SVOPL: variants seen among roughly 807,000 people sequenced by gnomAD.
SVOPL encodes SVOP like.
SVOPL carries 60 observed loss-of-function variants against 61.0 expected under a neutral mutation model. The observed-to-expected ratio is 0.98, with a 90% CI of 0.80 to 1.22. SVOPL has a LOEUF of 1.22. SVOPL is among the 50% of genes most tolerant of loss of function. The pLI, the probability that SVOPL is intolerant of heterozygous loss-of-function variation, is 0.00. For missense variants in SVOPL, 662 were observed against 643.9 expected (o/e 1.03, Z -0.30); for synonymous variants, 279 against 250.0 (o/e 1.12, Z -1.09).
At chr7:138,700,629 G>C (rs186633460) in intron 1 of SVOPL, among the ~76,000 whole-genome samples, 1 of 151,926 alleles carries the variant, frequency 6.6e-6, no homozygotes, top group Admixed American at 6.6e-5. Context: ...GTGAGCCACC[G>C]CACCCGGCTG....
intron 14 of SVOPL, among the ~76,000 whole-genome samples, chr7:138,610,414 T>C (rs1798948946): frequency 6.6e-6 from 1 of 151,958 alleles, no homozygotes; most frequent in Admixed American, 6.6e-5. Context: ...CACACACACA[T>C]AGAAAAATAT....
At chr7:138,625,123 A>G (rs1206766516) in intron 13 of SVOPL, 1 of 152,200 alleles carries the variant, frequency 6.6e-6, no homozygotes, top group Non-Finnish European at 1.5e-5. Flanking sequence ...GCAAAAGAGG[A>G]TTGATTTTTT....
intron 1 of SVOPL, among the ~76,000 whole-genome samples, chr7:138,679,824 C>T (rs1024972440): frequency 1.6e-4 from 25 of 152,162 alleles, no homozygotes; most frequent in Non-Finnish European, 3.1e-4. Context: ...TAATCATTAT[C>T]CTGAACACTT....
intron 12 of SVOPL, among the ~76,000 whole-genome samples, chr7:138,626,820 T>C (rs1799913077): frequency 6.7e-6 from 1 of 149,624 alleles, no homozygotes; most frequent in Non-Finnish European, 1.5e-5. Flanking sequence ...CATTCCCGCC[T>C]GGGTGACAAG....
At position 138,602,452 on chromosome 7, in the gene SVOPL, T is replaced by TAC. The variant is rs1299867036; in HGVS notation, c.1354-5923_1354-5922insGT. 3.6e-3 allele frequency among the ~76,000 whole-genome samples: 62 copies of TAC among 16,990 alleles called. 1 individual carries two copies. Among genetic ancestry groups the TAC allele is most frequent in the African/African-American group, 0.026 (59 of 2,298 alleles). The allele number at this position is 16,990 out of a possible 152,430, so 11.1% of individuals were successfully genotyped here. A position where few individuals can be genotyped will look rare whatever the true frequency, so the allele number is the denominator to read the frequency against. ...AGAAAAGGCAGTTGCTATATATATA[T>TAC]ATATATATATATATATATATATATG... is the stretch of plus-strand genomic sequence containing the variant. On this transcript the variant is annotated intron_variant, in intron 14 of 15. Coordinates refer to ENST00000674285, the MANE Select transcript of SVOPL (RefSeq NM_001139456.2).
chr7:138,611,883 G>T (rs1344844903), intron 14 of SVOPL, among the ~76,000 whole-genome samples: 24 of 70,958 alleles, frequency 3.4e-4, no homozygotes, highest in Admixed American at 9.0e-4. Context: ...CCGCCACCCC[G>T]TCTGGGAGGT....
intron 13 of SVOPL, among the ~76,000 whole-genome samples, chr7:138,622,492 GC>G (rs146389949): frequency 0.48 from 52,365 of 108,174 alleles, 10,419 homozygotes; most frequent in African/African-American, 0.56. Context: ...GCAGCGGCGG[GC>G]GGGGGGTCTC....
At chr7:138,678,183 T>TCC (rs1318141033) in intron 3 of SVOPL, among the ~76,000 whole-genome samples, 1 of 148,706 alleles carries the variant, frequency 6.7e-6, no homozygotes, top group African/African-American at 2.5e-5. Context: ...AAGTCCCCCC[T>TCC]CCCCCACCAC....
intron 14 of SVOPL, among the ~76,000 whole-genome samples, chr7:138,599,866 C>T (rs765263825): frequency 1.4e-4 from 19 of 133,294 alleles, no homozygotes; most frequent in African/African-American, 5.3e-4. Context: ...CCAGCCTGGA[C>T]GATGGAGCGA....
chr7:138,616,754 G>GT (rs1273257427), intron 14 of SVOPL, among the ~76,000 whole-genome samples: 1 of 152,102 alleles, frequency 6.6e-6, no homozygotes, highest in Non-Finnish European at 1.5e-5. Flanking sequence ...ATCTTAAAAT[G>GT]TTCTTAAAGT....
chr7:138,623,475 C>T (rs1260728480), intron 13 of SVOPL, among the ~76,000 whole-genome samples: 2 of 152,010 alleles, frequency 1.3e-5, no homozygotes, highest in Admixed American at 1.3e-4. Context: ...TGGCGGGCAC[C>T]TGTAGTCCCA....
chr7:138,658,070 T>C (rs1006045136), intron 6 of SVOPL, among the ~76,000 whole-genome samples: 1 of 152,220 alleles, frequency 6.6e-6, no homozygotes, highest in South Asian at 2.1e-4. Flanking sequence ...ATCTTGGTTT[T>C]AGTGGGTTTA....
Position 138,630,261 on chromosome 7 carries a change from C to G in SVOPL, c.790-139G>C, listed in dbSNP as rs113331869. The G allele has an allele frequency of 1.4e-3, 941 of 663,186 alleles. 9 individuals carry two copies. The African/African-American group carries it at 0.015, about 11-fold the overall frequency. 41.1% of individuals were successfully genotyped at this position (663,186 alleles called of 1,614,324 possible). A position where few individuals can be genotyped will look rare whatever the true frequency, so the allele number is the denominator to read the frequency against. ...GATAACCACTCAGCTCCTATGAGTA[C>G]AGCTGACACAAACCCAGAGATAATT... On this transcript the variant is annotated intron_variant, in intron 9 of 15. Coordinates refer to ENST00000674285, the MANE Select transcript of SVOPL (RefSeq NM_001139456.2).
intron 9 of SVOPL, 114 bp from the exon 10 acceptor site, chr7:138,630,236 G>T: frequency 1.2e-6 from 1 of 817,318 alleles, no homozygotes; most frequent in Non-Finnish European, 2.1e-6. Flanking sequence ...GGTGGCCTGC[G>T]ATAACCACTC....
At chr7:138,662,583 G>A in intron 5 of SVOPL, 4 of 986,922 alleles carry the variant, frequency 4.1e-6, no homozygotes, top group Non-Finnish European at 4.8e-6. Context: ...CTGCTCTGAA[G>A]GGCTAAGGGG....
intron 10 of SVOPL, among the ~76,000 whole-genome samples, chr7:138,629,151 G>GTA (rs1456009299): frequency 8.1e-4 from 77 of 95,604 alleles, no homozygotes; most frequent in African/African-American, 4.0e-3. Flanking sequence ...GTGTGTGTGT[G>GTA]TGTATATATG....
rs1389175518 is a variant in SVOPL at position 138,628,240 on chromosome 7, C to G, written c.987G>C (p.Glu329Asp). The change falls in exon 11 of 16, where the codon GAG (glutamate) becomes GAC (aspartate). Residue 329 changes from glutamate (E) to aspartate (D), a missense_variant. Glu to Asp is a conservative substitution (Grantham distance 45, BLOSUM62 2). Transcript: ENST00000674285. ...TGTGGCAGTAGCAGGGGCTCTGGCT[C>G]TCCCCTGAGTCCCCCCCAGTCACCA... ...AVVVTGGDSG[E>D]SQSPCYCHMF... 1.2e-6 allele frequency: 2 copies of G among 1,614,208 alleles called. No homozygotes were observed. Among genetic ancestry groups the G allele is most frequent in the African/African-American group, 1.3e-5 (1 of 75,044 alleles).
At chr7:138,671,689 G>A (rs1210529427) in intron 4 of SVOPL, among the ~76,000 whole-genome samples, 1 of 152,192 alleles carries the variant, frequency 6.6e-6, no homozygotes, top group African/African-American at 2.4e-5. Context: ...AGTTGAAGGA[G>A]TAACAGTATA....
intron 10 of SVOPL, among the ~76,000 whole-genome samples, chr7:138,629,153 G>GTGTGTGTGTGTA (rs10624737): frequency 0.045 from 6,594 of 147,302 alleles, 205 homozygotes; most frequent in Non-Finnish European, 0.065. Context: ...GTGTGTGTGT[G>GTGTGTGTGTGTA]TATATATGTA....
Sources: gnomAD v4.1 joint callset for allele counts (sites outside exome capture counted in the v4.1 genomes callset) on GRCh38, gnomAD v4.1.1 for gene constraint, MANE v1.5 for transcripts, NCBI Gene and HGNC (gene_info 2026-07-23, HGNC 2026-07-21) for gene names.